Variants in GNAO1 observed in about 807,000 individuals in gnomAD.
GNAO1 encodes the protein G protein subunit alpha o1, also known as guanine nucleotide-binding protein G(o) subunit alpha.
For synonymous variants in GNAO1, 164 were observed against 180.7 expected, an observed-to-expected ratio of 0.91 and a Z score of 0.74; for missense variants, 166 against 478.7, an observed-to-expected ratio of 0.35 and a Z score of 6.10.
intron 3 of GNAO1, among the ~76,000 whole-genome samples, chr16:56,327,022 A>G (rs564024370): frequency 1.3e-5 from 2 of 152,170 alleles, no homozygotes; most frequent in South Asian, 4.2e-4. Context: ...TTGTTAAGTG[A>G]GTGCCTTCCT....
At chr16:56,263,691 A>G (rs1277492301) in intron 2 of GNAO1, among the ~76,000 whole-genome samples, 1 of 152,208 alleles carries the variant, frequency 6.6e-6, no homozygotes, top group East Asian at 1.9e-4. Flanking sequence ...GAGCTGGTGT[A>G]TCCCAGAAAG....
intron 2 of GNAO1, among the ~76,000 whole-genome samples, chr16:56,246,390 C>G (rs1464473895): frequency 1.3e-5 from 2 of 152,156 alleles, no homozygotes; most frequent in African/African-American, 4.8e-5. Flanking sequence ...GGTAACATGC[C>G]CAGGTCACAA....
chr16:56,315,210 A>G (rs541807341), intron 3 of GNAO1, among the ~76,000 whole-genome samples: 45 of 152,272 alleles, frequency 3.0e-4, no homozygotes, highest in African/African-American at 1.1e-3. Flanking sequence ...CTGTGTTGCT[A>G]ATGTCTCCCA....
At chr16:56,221,556 A>G (rs994864176) in intron 2 of GNAO1, among the ~76,000 whole-genome samples, 7 of 150,606 alleles carry the variant, frequency 4.6e-5, no homozygotes, top group African/African-American at 1.7e-4. Context: ...AGGCTGAGGC[A>G]GGAGAATCGC....
intron 2 of GNAO1, among the ~76,000 whole-genome samples, chr16:56,219,768 G>A (rs976369581): frequency 1.3e-5 from 2 of 152,096 alleles, no homozygotes. Flanking sequence ...TCGGGAAGAA[G>A]CCTGAAACCC....
At chr16:56,231,281 C>G (rs2036586665) in intron 2 of GNAO1, among the ~76,000 whole-genome samples, 1 of 152,198 alleles carries the variant, frequency 6.6e-6, no homozygotes, top group Non-Finnish European at 1.5e-5. Context: ...CAGACTCACC[C>G]TTACCCAAGA....
chr16:56,274,164 G>A lies in GNAO1; in HGVS notation c.162-1767G>A, dbSNP rs747234508. ...TGTGGTCTAGTAAACACCTAAAGGC[G>A]GACGCCCAGGCCATCACCGGACTCT... On this transcript the variant is annotated intron_variant, in intron 2 of 8. Transcript: ENST00000262493. 2.6e-4 allele frequency among the ~76,000 whole-genome samples: 39 copies of A among 152,292 alleles called. 1 individual carries two copies. The highest frequency in any genetic ancestry group is 3.4e-3 in the Middle Eastern group (1 of 294).
chr16:56,215,329 C>T (rs1365979132), intron 2 of GNAO1, among the ~76,000 whole-genome samples: 2 of 152,216 alleles, frequency 1.3e-5, no homozygotes, highest in African/African-American at 2.4e-5. Flanking sequence ...CGTAGACACA[C>T]GAGCAAACAC....
chr16:56,312,808 A>C (rs1000069078), intron 3 of GNAO1, among the ~76,000 whole-genome samples: 1 of 152,164 alleles, frequency 6.6e-6, no homozygotes, highest in African/African-American at 2.4e-5. Flanking sequence ...GTGAGATGAG[A>C]TGGCTCAGTG....
chr16:56,250,712 T>C (rs1243792039), intron 2 of GNAO1, among the ~76,000 whole-genome samples: 2 of 152,196 alleles, frequency 1.3e-5, no homozygotes, highest in Admixed American at 1.3e-4. Flanking sequence ...TAGTGGCTCC[T>C]CTCTAGGCTC....
chr16:56,347,112 T>C, intron 6 of GNAO1: 1 of 985,456 alleles, frequency 1.0e-6, no homozygotes, highest in Non-Finnish European at 1.2e-6. Context: ...GGTGGATATT[T>C]AATGAGCACT....
chr16:56,318,571 A>G (rs2037538122), intron 3 of GNAO1, among the ~76,000 whole-genome samples: 1 of 152,126 alleles, frequency 6.6e-6, no homozygotes, highest in African/African-American at 2.4e-5. Context: ...CAACTGGAGG[A>G]CTGGGTTTGT....
chr16:56,347,712 C>T, intron 6 of GNAO1: 4 of 985,844 alleles, frequency 4.1e-6, no homozygotes, highest in Non-Finnish European at 4.8e-6. Context: ...CAGAGCACCA[C>T]TTCCTGGCAG....
chr16:56,344,266 C>T (rs1297187602), intron 6 of GNAO1: 3 of 1,274,938 alleles, frequency 2.4e-6, no homozygotes, highest in Admixed American at 6.6e-5. Context: ...GCACACCCTG[C>T]ACCTGATGAC....
intron 2 of GNAO1, among the ~76,000 whole-genome samples, chr16:56,250,227 C>G (rs1246960243): frequency 6.6e-6 from 1 of 152,074 alleles, no homozygotes; most frequent in Non-Finnish European, 1.5e-5. Context: ...GGAATGAAGG[C>G]CAGAAAGAAA....
In GNAO1 at chr16:56,351,404, C is replaced by T. The variant is rs377336410; in HGVS notation, c.744C>T (p.Leu248=). 56 of 1,612,926 alleles carry T rather than the reference C, an allele frequency of 3.5e-5. No homozygotes were observed. Among genetic ancestry groups the T allele is most frequent in the Non-Finnish European group, 4.4e-5 (52 of 1,178,902 alleles). ...CGCAGAACCGCATGCACGAGTCTCT[C>T]ATGCTCTTCGACTCCATCTGTAACA... ...DETTNRMHES[L]MLFDSICNNK... The change falls in exon 7 of 9, where the codon CTC becomes CTT. Residue 248 remains leucine (L), a synonymous_variant. Coordinates refer to ENST00000262493, the MANE Select transcript of GNAO1 (RefSeq NM_020988.3). This position sits in a 1 kb window ranked among gnomAD's most constrained non-coding sequence, Gnocchi z 6.1.
chr16:56,259,571 G>A (rs1222838300), intron 2 of GNAO1, among the ~76,000 whole-genome samples: 3 of 152,196 alleles, frequency 2.0e-5, no homozygotes, highest in African/African-American at 4.8e-5. Context: ...TGGTGATCCC[G>A]ACAGTGTCAG....
intron 2 of GNAO1, among the ~76,000 whole-genome samples, chr16:56,240,550 C>T (rs1251927916): frequency 2.0e-5 from 3 of 152,146 alleles, no homozygotes; most frequent in African/African-American, 7.2e-5. Flanking sequence ...GTCAGTTTGA[C>T]AGCATTTCTT....
In GNAO1 at chr16:56,348,555, G is replaced by T. The variant is rs185825906; in HGVS notation, c.724-2829G>T. Among the ~76,000 whole-genome samples the T allele has an allele frequency of 1.4e-3, 213 of 152,338 alleles. 1 individual carries two copies. The highest frequency in any genetic ancestry group is 4.5e-3 in the African/African-American group (188 of 41,598). ...GCCTGGGGCAGGTGGAGGTCTAGGG[G>T]GTTGGCTGTCAGCCATCTATGATCT... On this transcript the variant is annotated intron_variant, in intron 6 of 8. Coordinates refer to ENST00000262493, the MANE Select transcript of GNAO1 (RefSeq NM_020988.3).
Sources: allele counts gnomAD v4.1 joint callset (sites outside exome capture counted in the v4.1 genomes callset), GRCh38; gene constraint gnomAD v4.1.1; non-coding constraint Gnocchi (gnomAD v3.1); transcripts MANE v1.5; gene names NCBI Gene and HGNC (gene_info 2026-07-23, HGNC 2026-07-21).